Variants in PCM1 observed in about 807,000 individuals in gnomAD.
The protein encoded by PCM1 is pericentriolar material 1 protein.
Under a neutral mutation model 241.9 loss-of-function variants are expected in PCM1, and 157 were observed. The observed-to-expected ratio is 0.65, with a 90% CI of 0.57 to 0.74. PCM1 has a LOEUF of 0.74. Among genes scored for constraint, PCM1 ranks in the 30% least tolerant of loss-of-function variants. The pLI is 0.00. For synonymous variants in PCM1, 1,085 were observed against 784.9 expected (o/e 1.38, Z -6.39); for missense variants, 3,478 against 2,360.1 (o/e 1.47, Z -9.81).
rs749726681 is a variant in PCM1, at chr8:17,937,170, T to C, written c.133T>C (p.Ser45Pro). Residue 45 changes from serine (S) to proline (P), a missense_variant, in exon 4 of 39, where the codon TCA becomes CCA. Coordinates refer to ENST00000325083, the MANE Select transcript of PCM1 (RefSeq NM_006197.4). ...CCAACAGAAGAAAGCAAATAGATCA[T>C]CAGAAAAGAATAAGAAAAAGTTTGG... ...GAQQKKANRSSEKNKKKFGVE... is the reference protein window; with the variant it reads ...GAQQKKANRSPEKNKKKFGVE... 5.7e-6 allele frequency: 9 copies of C among 1,578,412 alleles called. No homozygotes were observed. The Admixed American group carries it at 1.7e-4, about 29-fold the overall frequency.
chr8:17,959,942 T>A (rs1019702725), intron 13 of PCM1, 72 bp from the exon 14 acceptor site: 1 of 1,387,694 alleles, frequency 7.2e-7, no homozygotes, highest in African/African-American at 1.4e-5. Context: ...AGACTAGTGG[T>A]ATTTACTAAG....
At position 18,011,386 on chromosome 8, in the gene PCM1, A is replaced by C. The variant is rs1225365209; in HGVS notation, c.5350+20A>C. ...CTATTAGTAAGTTTAAAGGCTCTGT[A>C]CTATCTTTATACTTTAGTTTTTTGT... On this transcript the variant is annotated intron_variant, in intron 33 of 38. Coordinates refer to ENST00000325083, the MANE Select transcript of PCM1 (RefSeq NM_006197.4). 1.3e-6 allele frequency: 2 copies of C among 1,532,558 alleles called. No homozygotes were observed. Among genetic ancestry groups the C allele is most frequent in the South Asian group, 1.3e-5 (1 of 75,762 alleles). The allele number at this position is 1,532,558 out of a possible 1,614,324, so 94.9% of individuals were successfully genotyped here. A position where few individuals can be genotyped will look rare whatever the true frequency, so the allele number is the denominator to read the frequency against.
rs2061203611 is a variant in PCM1 at position 17,938,857 on chromosome 8, A to C, written c.460A>C (p.Lys154Gln). 9.9e-6 allele frequency: 16 copies of C among 1,613,728 alleles called. No individual in the cohort carries two copies. Among genetic ancestry groups the C allele is most frequent in the Non-Finnish European group, 1.3e-5 (15 of 1,179,624 alleles). ...TATGCAGATTAATACTAACAAGAGC[A>C]AAGATGCATCTACAAACCCCCCAAA... ...LPMQINTNKSKDASTNPPNRE... is the reference protein window; with the variant it reads ...LPMQINTNKSQDASTNPPNRE... The change falls in exon 5 of 39, where the codon AAA (lysine) becomes CAA (glutamine). Residue 154 changes from lysine to glutamine, a missense_variant. Physicochemically the swap from Lys to Gln is moderately conservative, Grantham distance 53. Coordinates refer to ENST00000325083, the MANE Select transcript of PCM1 (RefSeq NM_006197.4).
At chr8:17,993,997 T>C (rs1444440656) in intron 29 of PCM1, among the ~76,000 whole-genome samples, 1 of 152,196 alleles carries the variant, frequency 6.6e-6, no homozygotes, top group Non-Finnish European at 1.5e-5. Flanking sequence ...TCATGGTAAA[T>C]GGGGTATCCA....
At chr8:17,950,547 A>G (rs868105866) in intron 7 of PCM1, 68 bp from the exon 8 acceptor site, 1 of 774,108 alleles carries the variant, frequency 1.3e-6, no homozygotes, top group Middle Eastern at 2.4e-4. Flanking sequence ...ATTTATTTTT[A>G]GCTTCTCAGA....
chr8:18,024,798 T>A (rs1162227524), intron 36 of PCM1, among the ~76,000 whole-genome samples: 2 of 152,100 alleles, frequency 1.3e-5, no homozygotes, highest in African/African-American at 4.8e-5. Flanking sequence ...TGAGAAACAG[T>A]GCAAGAAGAA....
chr8:18,013,408 C>T (rs995475535), intron 34 of PCM1, among the ~76,000 whole-genome samples: 1 of 152,120 alleles, frequency 6.6e-6, no homozygotes, highest in Non-Finnish European at 1.5e-5. Flanking sequence ...GTTTGGGGCT[C>T]ACTAGTTTAA....
chr8:17,925,039 T>C (rs561635730), intron 2 of PCM1: 3 of 152,376 alleles, frequency 2.0e-5, no homozygotes, highest in Non-Finnish European at 4.4e-5. Flanking sequence ...TGAAATTTAT[T>C]TGTCTTCACA....
At chr8:18,007,923 AAG>A (rs1424432526) in intron 30 of PCM1, among the ~76,000 whole-genome samples, 1 of 152,166 alleles carries the variant, frequency 6.6e-6, no homozygotes, top group Non-Finnish European at 1.5e-5. Flanking sequence ...TAGAAGGAAA[AAG>A]AGGAGTGGTT....
chr8:18,018,821 A>T (rs1008658718), intron 36 of PCM1, among the ~76,000 whole-genome samples: 1 of 141,664 alleles, frequency 7.1e-6, no homozygotes, highest in Non-Finnish European at 1.5e-5. Flanking sequence ...AAAAAAAAAA[A>T]ATATGTATAT....
intron 29 of PCM1, among the ~76,000 whole-genome samples, chr8:17,999,610 G>C (rs1236366659): frequency 6.6e-6 from 1 of 152,142 alleles, no homozygotes; most frequent in South Asian, 2.1e-4. Context: ...GCTGCAGTCA[G>C]TGCTGCCTGG....
At chr8:17,976,981 G>T (rs1302588770) in intron 23 of PCM1, among the ~76,000 whole-genome samples, 2 of 151,540 alleles carry the variant, frequency 1.3e-5, no homozygotes, top group African/African-American at 4.9e-5. Context: ...TACCTATTGG[G>T]ACTCCCCACT....
Position 17,993,496 on chromosome 8 carries a change from T to C in PCM1, c.4704T>C (p.Ile1568=). The change falls in exon 29 of 39, where the codon ATT becomes ATC. Residue 1568 remains isoleucine, a synonymous_variant. Coordinates refer to ENST00000325083, the MANE Select transcript of PCM1 (RefSeq NM_006197.4). ...TTTAAAAATTAGAAACTCCCGTTAT[T>C]GAAAATCGTAGTTCACAACAACCTG... The part of the protein sequence containing the change: ...TVNNLEETPV[I]ENRSSQQPVS... The C allele has an allele frequency of 6.4e-7, 1 of 1,567,968 alleles. No individual in the cohort carries two copies.
In PCM1 at chr8:17,938,880, A is replaced by T. The variant is rs2129450074; in HGVS notation, c.483A>T (p.Pro161=). 1.9e-6 allele frequency: 3 copies of T among 1,613,796 alleles called. No homozygotes were observed. The highest frequency in any genetic ancestry group is 4.5e-5 in the East Asian group (2 of 44,866). The change falls in exon 5 of 39, where the codon CCA becomes CCT. Residue 161 remains proline (P), a synonymous_variant. Coordinates refer to ENST00000325083, the MANE Select transcript of PCM1 (RefSeq NM_006197.4). Reference sequence around the variant, plus strand: ...GCAAAGATGCATCTACAAACCCCCCAAACAGAGAAACGATTGGATCAGCAC... The same window carrying T: ...GCAAAGATGCATCTACAAACCCCCCTAACAGAGAAACGATTGGATCAGCAC... ...NKSKDASTNP[P]NRETIGSAQC...
At chr8:17,939,639 T>G (rs2061451603) in intron 5 of PCM1, 52 bp from the exon 6 acceptor site, 4 of 1,040,330 alleles carry the variant, frequency 3.8e-6, no homozygotes, top group Non-Finnish European at 5.4e-6. Context: ...ATCCTTAGTT[T>G]TATATATTGT....
chr8:17,957,075 G>A (rs928174665), intron 11 of PCM1, among the ~76,000 whole-genome samples, 189 bp from the exon 12 acceptor site: 1 of 152,066 alleles, frequency 6.6e-6, no homozygotes, highest in Non-Finnish European at 1.5e-5. Context: ...TTTTTCAGAT[G>A]TTTTTCTACT....
intron 18 of PCM1, 113 bp downstream of exon 18, chr8:17,964,881 C>T (rs879418463): frequency 2.7e-6 from 2 of 741,842 alleles, no homozygotes; most frequent in Non-Finnish European, 4.5e-6. Flanking sequence ...CAACTCAATT[C>T]AATTTTTACA....
intron 4 of PCM1, among the ~76,000 whole-genome samples, chr8:17,937,810 C>G (rs1486900210): frequency 1.3e-5 from 2 of 151,986 alleles, no homozygotes; most frequent in East Asian, 3.8e-4. Flanking sequence ...GATCTAAAAA[C>G]AAGTAGAAAT....
At chr8:18,000,296 T>C (rs931036324) in intron 29 of PCM1, among the ~76,000 whole-genome samples, 1 of 152,156 alleles carries the variant, frequency 6.6e-6, no homozygotes, top group Middle Eastern at 3.2e-3. Flanking sequence ...TATAAAATAT[T>C]ACAGGCCATG....
Sources: gnomAD v4.1 joint callset for allele counts (sites outside exome capture counted in the v4.1 genomes callset) on GRCh38, gnomAD v4.1.1 for gene constraint, MANE v1.5 for transcripts, NCBI Gene and HGNC (gene_info 2026-07-23, HGNC 2026-07-21) for gene names.